MALRD1: variants seen among roughly 807,000 people sequenced by gnomAD.
MALRD1 encodes MAM and LDL-receptor class A domain-containing protein 1.
A neutral mutation model predicts 242.1 loss-of-function variants in MALRD1; 247 were observed. The ratio of observed to expected loss-of-function variants is 1.02; its 90% confidence interval spans 0.92 to 1.13. The LOEUF (loss-of-function observed/expected upper bound fraction) is 1.13. Among genes scored for constraint, MALRD1 ranks in the 50% most tolerant of loss-of-function variants. MALRD1 has a pLI of 0.00. For missense variants in MALRD1, 2,989 were observed against 2,533.1 expected, an observed-to-expected ratio of 1.18 and a Z score of -3.86; for synonymous variants, 995 against 866.6, an observed-to-expected ratio of 1.15 and a Z score of -2.60.
At chr10:19,632,560 A>G (rs1839952880) in intron 36 of MALRD1, among the ~76,000 whole-genome samples, 1 of 152,160 alleles carries the variant, frequency 6.6e-6, no homozygotes, top group African/African-American at 2.4e-5. Flanking sequence ...CCTAAGGAAT[A>G]ATGATTTTTT....
At chr10:19,243,425 A>T (rs1838889244) in intron 18 of MALRD1, among the ~76,000 whole-genome samples, 1 of 152,130 alleles carries the variant, frequency 6.6e-6, no homozygotes, top group Non-Finnish European at 1.5e-5. Flanking sequence ...CAGTTTGCTA[A>T]TGCCTAATTT....
chr10:19,352,396 T>A, intron 26 of MALRD1, 99 bp downstream of exon 26: 1 of 1,056,942 alleles, frequency 9.5e-7, no homozygotes, highest in Non-Finnish European at 1.3e-6. Flanking sequence ...ACCTAGTAAT[T>A]TATCACTTTC....
intron 31 of MALRD1, among the ~76,000 whole-genome samples, chr10:19,498,966 A>T (rs190000888): frequency 1.6e-4 from 25 of 152,326 alleles, no homozygotes; most frequent in African/African-American, 5.8e-4. Flanking sequence ...TGATTGCAAT[A>T]TGCAAAGATA....
intron 19 of MALRD1, among the ~76,000 whole-genome samples, chr10:19,277,474 T>C (rs911408140): frequency 1.1e-4 from 16 of 152,118 alleles, no homozygotes; most frequent in African/African-American, 3.6e-4. Flanking sequence ...CAACAATGGA[T>C]TGGTGAGTTT....
Position 19,509,127 on chromosome 10 carries a change from T to C in MALRD1, c.5320+10481T>C, listed in dbSNP as rs887068591. Among the ~76,000 whole-genome samples the C allele has an allele frequency of 3.9e-5, 6 of 152,294 alleles. 2 individuals carry two copies. On this transcript the variant is annotated intron_variant, in intron 31 of 39. Transcript: ENST00000454679. ...ATATTAACAAAGTATATCCTAATAA[T>C]TAAACATTATTAAAAGAAGAATGTT...
At chr10:19,707,058 C>T (rs1833896861) in intron 38 of MALRD1, among the ~76,000 whole-genome samples, 1 of 150,630 alleles carries the variant, frequency 6.6e-6, no homozygotes, top group African/African-American at 2.4e-5. Flanking sequence ...TCTTCCTCCT[C>T]CTCCTTTCTT....
intron 26 of MALRD1, among the ~76,000 whole-genome samples, chr10:19,377,245 GTTGTTATT>G (rs1342288663): frequency 6.6e-6 from 1 of 152,064 alleles, no homozygotes; most frequent in Non-Finnish European, 1.5e-5. Context: ...GAAAAGATGG[GTTGTTATT>G]TTGTTGTGTT....
At chr10:19,602,582 A>G (rs1445813347) in intron 34 of MALRD1, among the ~76,000 whole-genome samples, 5 of 151,660 alleles carry the variant, frequency 3.3e-5, no homozygotes, top group Non-Finnish European at 7.4e-5. Context: ...CATTTTCTTA[A>G]TCCAGTCTAT....
Position 19,591,021 on chromosome 10 carries a change from G to A in MALRD1, c.5681-4173G>A, listed in dbSNP as rs149533335. ...TATGACACATACAGTTAGTTTCACC[G>A]CCCTAAAAATCTCCTGTGCTCTACC... On this transcript the variant is annotated intron_variant, in intron 33 of 39. Coordinates refer to ENST00000454679, the MANE Select transcript of MALRD1 (RefSeq NM_001142308.3). Among the ~76,000 whole-genome samples the A allele has an allele frequency of 2.7e-4, 41 of 152,160 alleles. No homozygotes were observed. In the East Asian group the frequency reaches 6.6e-3, roughly 24 times the overall value.
intron 29 of MALRD1, among the ~76,000 whole-genome samples, chr10:19,483,405 T>C (rs1385026480): frequency 1.3e-5 from 2 of 152,076 alleles, no homozygotes; most frequent in African/African-American, 2.4e-5. Context: ...ATACTGTGCA[T>C]GCAACAAAGG....
At chr10:19,132,138 G>T (rs1244561994) in intron 8 of MALRD1, among the ~76,000 whole-genome samples, 2 of 151,172 alleles carry the variant, frequency 1.3e-5, no homozygotes, top group African/African-American at 2.4e-5. Context: ...GGGGAGCAGA[G>T]GGGAATCAGT....
At chr10:19,686,122 G>A (rs1842572862) in intron 36 of MALRD1, among the ~76,000 whole-genome samples, 1 of 152,120 alleles carries the variant, frequency 6.6e-6, no homozygotes, top group Non-Finnish European at 1.5e-5. Flanking sequence ...AAAGACACAG[G>A]CAAGTTTTAG....
At chr10:19,213,490 G>A (rs888468150) in intron 18 of MALRD1, among the ~76,000 whole-genome samples, 11 of 151,996 alleles carry the variant, frequency 7.2e-5, no homozygotes, top group Admixed American at 6.6e-5. Context: ...CCTCGGCCTC[G>A]CAAAATGCTG....
intron 33 of MALRD1, among the ~76,000 whole-genome samples, chr10:19,587,616 T>C (rs187570343): frequency 7.9e-5 from 12 of 152,386 alleles, no homozygotes; most frequent in African/African-American, 2.4e-4. Flanking sequence ...ATAAGAAATA[T>C]GTTTCTACTG....
At chr10:19,380,695 T>C (rs957816023) in intron 26 of MALRD1, among the ~76,000 whole-genome samples, 2 of 152,148 alleles carry the variant, frequency 1.3e-5, no homozygotes, top group African/African-American at 4.8e-5. Flanking sequence ...AATTTAAAAA[T>C]GTTTTAATCA....
rs1386833501 is a variant in MALRD1, at chr10:19,451,714, T to C, written c.5029+1224T>C. ...TGTGACTTTGGTTTTTTTGTAGTGTTACAGCATCTGCTCTTTTTATGAGTG... is the reference window on the plus strand; with the variant it reads ...TGTGACTTTGGTTTTTTTGTAGTGTCACAGCATCTGCTCTTTTTATGAGTG... On this transcript the variant is annotated intron_variant, in intron 29 of 39. Transcript: ENST00000454679. Among the ~76,000 whole-genome samples the C allele has an allele frequency of 2.0e-5, 3 of 152,340 alleles. No homozygotes were observed. In the East Asian group the frequency reaches 5.8e-4, roughly 29 times the overall value.
chr10:19,136,921 T>C, intron 10 of MALRD1, 140 bp downstream of exon 10: 1 of 512,212 alleles, frequency 2.0e-6, no homozygotes. Flanking sequence ...GCTCTGAAAC[T>C]ATTAGTACTA....
intron 18 of MALRD1, among the ~76,000 whole-genome samples, chr10:19,230,077 C>G (rs1837984357): frequency 6.6e-6 from 1 of 152,084 alleles, no homozygotes; most frequent in Non-Finnish European, 1.5e-5. Context: ...TCACTTGGTT[C>G]TCATTTGCTG....
intron 4 of MALRD1, among the ~76,000 whole-genome samples, chr10:19,099,800 C>T (rs2131324856): frequency 6.6e-6 from 1 of 151,082 alleles, no homozygotes. Flanking sequence ...GAATCTCACT[C>T]TGTCACCCAG....
Sources: allele counts gnomAD v4.1 joint callset (sites outside exome capture counted in the v4.1 genomes callset), GRCh38; gene constraint gnomAD v4.1.1; transcripts MANE v1.5; gene names NCBI Gene and HGNC (gene_info 2026-07-23, HGNC 2026-07-21).